The following ERC1 variants were observed in gnomAD, a reference collection of about 807,000 sequenced individuals.
ERC1 encodes ELKS/RAB6-interacting/CAST family member 1.
A neutral mutation model predicts 132.0 loss-of-function variants in ERC1; 56 were observed. The observed-to-expected ratio is 0.42, with a 90% CI of 0.34 to 0.53. The LOEUF (loss-of-function observed/expected upper bound fraction) is 0.53. ERC1 is among the 20% of genes least tolerant of loss of function. The pLI is 0.03. For missense variants in ERC1, 1,202 were observed against 1,349.9 expected (o/e 0.89, Z 1.72); for synonymous variants, 478 against 476.1 (o/e 1.00, Z -0.05).
chr12:1,402,617 A>AC (rs1555393224), intron 16 of ERC1, among the ~76,000 whole-genome samples: 1 of 135,758 alleles, frequency 7.4e-6, no homozygotes, highest in African/African-American at 2.8e-5. Context: ...AACCCCCAAC[A>AC]CACACACACA....
intron 7 of ERC1, among the ~76,000 whole-genome samples, chr12:1,130,613 A>C (rs1948665238): frequency 7.0e-6 from 1 of 142,686 alleles, no homozygotes; most frequent in African/African-American, 2.6e-5. Flanking sequence ...TCAGAATATA[A>C]ATTTGCGAAA....
chr12:1,081,331 TTTAA>T (rs1342626060), intron 2 of ERC1, among the ~76,000 whole-genome samples: 1 of 151,626 alleles, frequency 6.6e-6, no homozygotes, highest in Non-Finnish European at 1.5e-5. Flanking sequence ...AACACCTTTA[TTTAA>T]TTAGCCACCC....
chr12:1,335,396 A>G (rs1288432893), intron 15 of ERC1, among the ~76,000 whole-genome samples: 1 of 152,192 alleles, frequency 6.6e-6, no homozygotes, highest in East Asian at 1.9e-4. Context: ...ATTTTGAGGT[A>G]TGTTCCTTCA....
At chr12:1,058,264 C>G (rs1300921192) in intron 2 of ERC1, among the ~76,000 whole-genome samples, 1 of 152,046 alleles carries the variant, frequency 6.6e-6, no homozygotes, top group Non-Finnish European at 1.5e-5. Context: ...TTTTCCTAGA[C>G]CAGTGTCCTC....
At position 1,491,731 on chromosome 12, in the gene ERC1, G is replaced by A. The variant is rs2094320592; in HGVS notation, c.*1501G>A. ...TTCCTGACATCTGCATGTACCTCGT[G>A]GAATTCAGCCAGCTTCATGTTGCAA... is the stretch of plus-strand genomic sequence containing the variant. On this transcript the variant is annotated 3_prime_UTR_variant, in exon 19 of 19. Transcript: ENST00000360905. 1 of 231,202 alleles carries A rather than the reference G, an allele frequency of 4.3e-6. No homozygotes were observed. Among genetic ancestry groups the A allele is most frequent in the Non-Finnish European group, 8.6e-6 (1 of 116,818 alleles). 14.3% of individuals were successfully genotyped at this position (231,202 alleles called of 1,614,324 possible). A position where few individuals can be genotyped will look rare whatever the true frequency, so the allele number is the denominator to read the frequency against.
chr12:1,092,629 A>G (rs937956608), intron 3 of ERC1, among the ~76,000 whole-genome samples: 5 of 152,344 alleles, frequency 3.3e-5, no homozygotes, highest in Admixed American at 6.5e-5. Context: ...CTCTGTTTAA[A>G]TAAGTTTAAA....
At chr12:1,357,710 A>G (rs1385631557) in intron 15 of ERC1, among the ~76,000 whole-genome samples, 1 of 152,232 alleles carries the variant, frequency 6.6e-6, no homozygotes, top group Non-Finnish European at 1.5e-5. Flanking sequence ...TGAAGCGTAA[A>G]GGACATACTG....
chr12:1,327,766 C>T (rs73036655), intron 15 of ERC1, among the ~76,000 whole-genome samples: 5,263 of 152,292 alleles, frequency 0.035, 97 homozygotes, highest in Middle Eastern at 0.075. Context: ...ACTTTGGGCC[C>T]CTATCAACTG....
At chr12:1,156,386 G>A (rs550312329) in intron 8 of ERC1, among the ~76,000 whole-genome samples, 5 of 151,948 alleles carry the variant, frequency 3.3e-5, no homozygotes, top group Admixed American at 6.6e-5. Flanking sequence ...GATTACAGGC[G>A]CGCACCACCA....
At chr12:1,433,978 CAAA>C (rs763612916) in intron 17 of ERC1, among the ~76,000 whole-genome samples, 7 of 46,300 alleles carry the variant, frequency 1.5e-4, no homozygotes, top group Admixed American at 4.5e-4. Flanking sequence ...GACCCTGTCT[CAAA>C]AAAAAAAAAA....
At chr12:1,035,188 C>T (rs1968828455) in intron 2 of ERC1, among the ~76,000 whole-genome samples, 1 of 152,168 alleles carries the variant, frequency 6.6e-6, no homozygotes, top group Non-Finnish European at 1.5e-5. Flanking sequence ...CTCCATAGCC[C>T]TCAGAGGTCA....
At chr12:1,163,868 A>G (rs1952106085) in intron 8 of ERC1, among the ~76,000 whole-genome samples, 1 of 152,142 alleles carries the variant, frequency 6.6e-6, no homozygotes, top group Non-Finnish European at 1.5e-5. Context: ...GGCATGCAGC[A>G]CCACACCTGG....
chr12:1,353,752 A>C (rs1286090355), intron 15 of ERC1, among the ~76,000 whole-genome samples: 1 of 152,120 alleles, frequency 6.6e-6, no homozygotes, highest in Non-Finnish European at 1.5e-5. Flanking sequence ...CTGATTTATG[A>C]TCTCTTTCCA....
At chr12:1,455,212 C>G (rs553043451) in intron 18 of ERC1, among the ~76,000 whole-genome samples, 27 of 152,276 alleles carry the variant, frequency 1.8e-4, no homozygotes, top group African/African-American at 6.5e-4. Flanking sequence ...ACTTTCCTTT[C>G]TTAATGCTAG....
chr12:1,060,480 T>A (rs1452946046), intron 2 of ERC1, among the ~76,000 whole-genome samples: 3 of 152,086 alleles, frequency 2.0e-5, no homozygotes, highest in Admixed American at 6.6e-5. Context: ...TCCAGTTGCA[T>A]CCATGTCCCT....
intron 8 of ERC1, among the ~76,000 whole-genome samples, chr12:1,147,076 A>G (rs985728411): frequency 6.6e-6 from 1 of 152,340 alleles, no homozygotes; most frequent in Middle Eastern, 3.4e-3. Context: ...TAGTGCCGCA[A>G]TAAACATACG....
chr12:1,466,725 G>T (rs2093750706), intron 18 of ERC1, among the ~76,000 whole-genome samples: 1 of 152,260 alleles, frequency 6.6e-6, no homozygotes, highest in African/African-American at 2.4e-5. Context: ...CTTCAATAAA[G>T]AATGCTGTAA....
intron 17 of ERC1, among the ~76,000 whole-genome samples, chr12:1,428,329 A>G (rs190343878): frequency 2.2e-4 from 33 of 152,364 alleles, no homozygotes; most frequent in Admixed American, 1.0e-3. Flanking sequence ...TTTACCCTAA[A>G]GAAAAGTTGC....
chr12:1,055,575 TA>T (rs972407900), intron 2 of ERC1, among the ~76,000 whole-genome samples: 4 of 152,154 alleles, frequency 2.6e-5, no homozygotes, highest in African/African-American at 9.7e-5. Flanking sequence ...TCTCAGCATT[TA>T]AAAAAATGTT....
Sources: allele counts gnomAD v4.1 joint callset (sites outside exome capture counted in the v4.1 genomes callset), GRCh38; gene constraint gnomAD v4.1.1; transcripts MANE v1.5; gene names NCBI Gene and HGNC (gene_info 2026-07-23, HGNC 2026-07-21).